SHPRH: variants seen among roughly 807,000 people sequenced by gnomAD.
The protein encoded by SHPRH is SNF2 histone linker PHD RING helicase.
SHPRH carries 106 observed loss-of-function variants against 202.5 expected under a neutral mutation model. The observed-to-expected ratio is 0.52, with a 90% CI of 0.45 to 0.62. The LOEUF is 0.62. Ranked by LOEUF, SHPRH falls within the 20% of genes least tolerant of loss-of-function variation. The pLI is 0.00. For synonymous variants in SHPRH, 729 were observed against 686.0 expected, an observed-to-expected ratio of 1.06 and a Z score of -0.98; for missense variants, 1,710 against 2,020.0, an observed-to-expected ratio of 0.85 and a Z score of 2.94.
At chr6:145,908,607 G>C (rs1245665087) in intron 25 of SHPRH, 3 of 151,958 alleles carry the variant, frequency 2.0e-5, no homozygotes, top group Non-Finnish European at 4.4e-5. Flanking sequence ...TGATGGGGTT[G>C]TTTTTTTCTT....
rs77799196 is a variant in SHPRH, at chr6:145,943,606, A to C, written c.1775T>G (p.Phe592Cys). The change falls in exon 9 of 30, where the codon TTT becomes TGT. Residue 592 changes from phenylalanine (F) to cysteine (C), a missense_variant. Physicochemically the swap from Phe to Cys is radical, Grantham distance 205. This residue lies in a region of SHPRH where 348 missense variants were observed against 356.9 expected (regional missense o/e 0.97). Transcript: ENST00000275233. ...GTGACCTTGTGAATCGGGATTGATA[A>C]ATGGTTGACTTTTTCCTTTTTTTGT... is the stretch of plus-strand genomic sequence containing the variant. ...PSTKKGKSQP[F>C]INPDSQGHCP... 12,206 of 1,613,798 alleles carry C rather than the reference A, an allele frequency of 7.6e-3. 755 individuals carry two copies. The African/African-American group carries it at 0.14, about 18-fold the overall frequency.
intron 2 of SHPRH, among the ~76,000 whole-genome samples, chr6:145,866,043 CTT>C (rs1198295636): frequency 1.3e-5 from 2 of 152,230 alleles, no homozygotes; most frequent in Non-Finnish European, 2.9e-5. Context: ...TTTTACAACT[CTT>C]TGTTAAACTT....
At chr6:145,913,595 AT>A in intron 23 of SHPRH, 46 bp from the exon 24 acceptor site, 1 of 1,481,864 alleles carries the variant, frequency 6.7e-7, no homozygotes, top group Non-Finnish European at 9.2e-7. Flanking sequence ...GTTTTTACAT[AT>A]AAAACCTGAT....
At chr6:145,942,997 T>A in intron 9 of SHPRH, 146 bp downstream of exon 9, 1 of 921,876 alleles carries the variant, frequency 1.1e-6, no homozygotes, top group Non-Finnish European at 1.6e-6. Flanking sequence ...AGTCTCAATT[T>A]TTTTCTTTAA....
chr6:145,946,662 T>C (rs1024131128), intron 6 of SHPRH, among the ~76,000 whole-genome samples: 1 of 152,126 alleles, frequency 6.6e-6, no homozygotes, highest in South Asian at 2.1e-4. Flanking sequence ...GGAATTAAAA[T>C]AGTAATGAGT....
chr6:145,874,217 AT>A (rs1356169109), intron 2 of SHPRH, among the ~76,000 whole-genome samples: 1 of 149,924 alleles, frequency 6.7e-6, no homozygotes. Flanking sequence ...TAAAATAATA[AT>A]AATAATAATA....
At chr6:145,961,481 T>G (rs540746239) in intron 1 of SHPRH, among the ~76,000 whole-genome samples, 6 of 152,346 alleles carry the variant, frequency 3.9e-5, no homozygotes, top group Non-Finnish European at 8.8e-5. Flanking sequence ...TGACCAGTCC[T>G]AGCCAATGGA....
In SHPRH at chr6:145,934,878, T is replaced by G. The variant is rs369639853; in HGVS notation, c.2990+29A>C. On this transcript the variant is annotated intron_variant, in intron 13 of 29. Coordinates refer to ENST00000275233, the MANE Select transcript of SHPRH (RefSeq NM_001042683.3). Reference sequence around the variant, plus strand: ...ATATTGTCTATTATGATATACCAACTGCAATTAAAAAAAAGTTGATAATAA... The same window carrying G: ...ATATTGTCTATTATGATATACCAACGGCAATTAAAAAAAAGTTGATAATAA... 1.0e-4 allele frequency: 165 copies of G among 1,577,792 alleles called. No individual in the cohort carries two copies. In the African/African-American group the frequency reaches 1.9e-3, roughly 18 times the overall value.
chr6:145,895,110 T>C (rs149452087), intron 25 of SHPRH, 133 bp from the exon 26 acceptor site: 13 of 699,442 alleles, frequency 1.9e-5, no homozygotes, highest in African/African-American at 3.7e-5. Context: ...TGCATATGTG[T>C]TTACTCTTTT....
At chr6:145,945,176 T>C (rs1206830098) in intron 8 of SHPRH, among the ~76,000 whole-genome samples, 1 of 152,206 alleles carries the variant, frequency 6.6e-6, no homozygotes, top group East Asian at 1.9e-4. Flanking sequence ...CATTATTCTC[T>C]AGGTTTAATG....
At chr6:145,894,568 T>C (rs1051574959) in intron 26 of SHPRH, among the ~76,000 whole-genome samples, 2 of 151,974 alleles carry the variant, frequency 1.3e-5, no homozygotes, top group African/African-American at 2.4e-5. Context: ...CTTTATAAAG[T>C]AGATTGTCTT....
rs150337536 is a variant in SHPRH at position 145,932,190 on chromosome 6, A to C, written c.3112+867T>G. 8.5e-5 allele frequency among the ~76,000 whole-genome samples: 13 copies of C among 152,248 alleles called. No individual in the cohort carries two copies. The East Asian group carries it at 2.5e-3, about 29-fold the overall frequency. On this transcript the variant is annotated intron_variant, in intron 14 of 29. Coordinates refer to ENST00000275233, the MANE Select transcript of SHPRH (RefSeq NM_001042683.3). ...TCATCTTCACTCTTGAATCTATGGAATACAGTTTTAATGTTTCTCATATTT... is the reference window on the plus strand; with the variant it reads ...TCATCTTCACTCTTGAATCTATGGACTACAGTTTTAATGTTTCTCATATTT...
At position 145,933,565 on chromosome 6, in the gene SHPRH, C is replaced by G. The variant is rs149241304; in HGVS notation, c.2991-387G>C. Among the ~76,000 whole-genome samples the G allele has an allele frequency of 3.8e-3, 584 of 152,278 alleles. 5 individuals carry two copies. Among genetic ancestry groups the G allele is most frequent in the African/African-American group, 0.013 (559 of 41,566 alleles). ...TTAATCAGTAAAAAATGAAGATCCTCTAAGGTTAAATGCCATTCCTTCAAA... is the reference window on the plus strand; with the variant it reads ...TTAATCAGTAAAAAATGAAGATCCTGTAAGGTTAAATGCCATTCCTTCAAA... On this transcript the variant is annotated intron_variant, in intron 13 of 29. Transcript: ENST00000275233.
At chr6:145,938,083 T>C (rs1051675001) in intron 11 of SHPRH, among the ~76,000 whole-genome samples, 1 of 152,228 alleles carries the variant, frequency 6.6e-6, no homozygotes, top group African/African-American at 2.4e-5. Flanking sequence ...ATGGTTTGAA[T>C]GTATCCCCCA....
chr6:145,940,983 G>A (rs1786708127), intron 10 of SHPRH, among the ~76,000 whole-genome samples, 182 bp from the exon 11 acceptor site: 1 of 152,170 alleles, frequency 6.6e-6, no homozygotes. Flanking sequence ...CCATCTTCCA[G>A]TACAGTGGTT....
Position 145,940,772 on chromosome 6 carries a change from C to T in SHPRH, c.2520G>A (p.Gly840=). The T allele has an allele frequency of 6.2e-7, 1 of 1,613,780 alleles. No homozygotes were observed. The highest frequency in any genetic ancestry group is 8.5e-7 in the Non-Finnish European group (1 of 1,179,834). ...KAAEMAQRLS[G]INRWCISGTP... The stretch of plus-strand genomic sequence containing the variant: ...TGCCACTGATACACCATCGATTAAT[C>T]CCACTCAAACGCTGGGCCATTTCTG... Residue 840 remains glycine, a synonymous_variant, in exon 11 of 30, where the codon GGG becomes GGA. Coordinates refer to ENST00000275233, the MANE Select transcript of SHPRH (RefSeq NM_001042683.3).
At chr6:145,882,357 C>T (rs1208799020), downstream of SHPRH, among the ~76,000 whole-genome samples, 1 of 152,026 alleles carries the variant, frequency 6.6e-6, no homozygotes, top group African/African-American at 2.4e-5. Context: ...AATCTGAGTG[C>T]AGGGTAGAAA....
At chr6:145,866,677 G>A (rs143399030) in intron 2 of SHPRH, among the ~76,000 whole-genome samples, 35 of 152,298 alleles carry the variant, frequency 2.3e-4, no homozygotes, top group African/African-American at 7.0e-4. Context: ...GAAGTCTCAC[G>A]CTGGGCCAAC....
intron 29 of SHPRH, among the ~76,000 whole-genome samples, chr6:145,887,661 G>A (rs755668299): frequency 1.1e-3 from 165 of 149,964 alleles, no homozygotes; most frequent in Admixed American, 3.3e-3. Context: ...TCAGCCTCCC[G>A]ACTAGCTAAG....
Sources: allele counts gnomAD v4.1 joint callset (sites outside exome capture counted in the v4.1 genomes callset), GRCh38; gene constraint gnomAD v4.1.1; regional missense constraint gnomAD v4.1.1; transcripts MANE v1.5; gene names NCBI Gene and HGNC (gene_info 2026-07-23, HGNC 2026-07-21).